The following POC1B variants were observed in gnomAD, a reference collection of about 807,000 sequenced individuals.
The protein encoded by POC1B is POC1 centriolar protein homolog B.
Under a neutral mutation model 60.6 loss-of-function variants are expected in POC1B, and 44 were observed. The observed-to-expected ratio is 0.73, with a 90% CI of 0.57 to 0.93. POC1B has a LOEUF of 0.93. Ranked by LOEUF, POC1B falls within the 40% of genes least tolerant of loss-of-function variation. The pLI is 0.00. For synonymous variants in POC1B, 180 were observed against 198.9 expected (o/e 0.90, Z 0.80); for missense variants, 555 against 572.3 (o/e 0.97, Z 0.31).
intron 3 of POC1B, among the ~76,000 whole-genome samples, chr12:89,493,374 A>C (rs1051667508): frequency 1.3e-5 from 2 of 152,236 alleles, no homozygotes; most frequent in Non-Finnish European, 2.9e-5. Context: ...ACATAAAAAG[A>C]ACTCAATACA....
At chr12:89,492,892 G>T (rs1442316337) in intron 3 of POC1B, among the ~76,000 whole-genome samples, 1 of 151,932 alleles carries the variant, frequency 6.6e-6, no homozygotes, top group Admixed American at 6.6e-5. Context: ...CTTCACCTAG[G>T]TTACTGCAAA....
At chr12:89,415,224 G>A (rs147214566), downstream of POC1B, among the ~76,000 whole-genome samples, 1 of 152,056 alleles carries the variant, frequency 6.6e-6, no homozygotes, top group Admixed American at 6.6e-5. Context: ...TGCAACATTC[G>A]CTTTGAATTA....
At chr12:89,417,525 G>T (rs917805185), downstream of POC1B, among the ~76,000 whole-genome samples, 3 of 152,156 alleles carry the variant, frequency 2.0e-5, no homozygotes, top group Non-Finnish European at 4.4e-5. Flanking sequence ...AATTTAATGT[G>T]CCTCTGCTTA....
At chr12:89,403,899 C>T in the POC1B span, among the ~76,000 whole-genome samples, 3 of 152,070 alleles carry the variant, frequency 2.0e-5, no homozygotes, top group Non-Finnish European at 4.4e-5. Flanking sequence ...TTGGGAGGCC[C>T]AGGCGGGAGG....
intron 2 of POC1B, among the ~76,000 whole-genome samples, chr12:89,513,468 T>G (rs1870285823): frequency 6.6e-6 from 1 of 152,200 alleles, no homozygotes; most frequent in Non-Finnish European, 1.5e-5. Flanking sequence ...AAGTAACAAC[T>G]TCAATGTTAA....
chr12:89,442,350 A>G (rs1881562095), intron 10 of POC1B, among the ~76,000 whole-genome samples: 1 of 152,242 alleles, frequency 6.6e-6, no homozygotes, highest in Non-Finnish European at 1.5e-5. Context: ...AAGGGCAGGC[A>G]GAGAGAAAGG....
chr12:89,451,428 AT>A (rs1209786433), intron 10 of POC1B, among the ~76,000 whole-genome samples: 4 of 152,236 alleles, frequency 2.6e-5, no homozygotes, highest in African/African-American at 9.6e-5. Flanking sequence ...ACTAAAAAAA[AT>A]CTTCCATTGC....
intron 10 of POC1B, chr12:89,428,215 A>T (rs953020253): frequency 1.3e-4 from 20 of 152,280 alleles, no homozygotes; most frequent in African/African-American, 4.8e-4. Flanking sequence ...CCAACAAACA[A>T]ACAAAAAACA....
chr12:89,438,046 G>A (rs1400935630), intron 10 of POC1B, among the ~76,000 whole-genome samples: 3 of 136,508 alleles, frequency 2.2e-5, no homozygotes, highest in South Asian at 2.4e-4. Flanking sequence ...GTGAGAAACC[G>A]TCTCAAAAAA....
At chr12:89,425,025 G>T (rs1880700843) in intron 11 of POC1B, 136 bp downstream of exon 11, 2 of 783,036 alleles carry the variant, frequency 2.6e-6, no homozygotes, top group Non-Finnish European at 4.1e-6. Context: ...CTTGTTTAGG[G>T]CATTGCCACC....
At chr12:89,485,600 T>G (rs560369272) in intron 4 of POC1B, among the ~76,000 whole-genome samples, 1 of 151,892 alleles carries the variant, frequency 6.6e-6, no homozygotes, top group Non-Finnish European at 1.5e-5. Context: ...ATAAAGACAG[T>G]CCATGAAGGC....
At chr12:89,511,057 C>T (rs1167382197) in intron 2 of POC1B, among the ~76,000 whole-genome samples, 1 of 151,996 alleles carries the variant, frequency 6.6e-6, no homozygotes, top group Non-Finnish European at 1.5e-5. Context: ...CCTGGCCAAA[C>T]AGTACATATT....
intron 9 of POC1B, among the ~76,000 whole-genome samples, chr12:89,463,603 A>G (rs1882562006): frequency 6.6e-6 from 1 of 152,210 alleles, no homozygotes; most frequent in Non-Finnish European, 1.5e-5. Flanking sequence ...CCCATCAAAA[A>G]AAAGAGAGAG....
At chr12:89,462,414 A>C (rs1332770559) in intron 9 of POC1B, among the ~76,000 whole-genome samples, 3 of 152,116 alleles carry the variant, frequency 2.0e-5, no homozygotes, top group Non-Finnish European at 4.4e-5. Context: ...GAATGAGGTA[A>C]AGGTTAGCCT....
intron 2 of POC1B, among the ~76,000 whole-genome samples, chr12:89,515,066 C>T (rs1870382878): frequency 6.6e-6 from 1 of 152,114 alleles, no homozygotes; most frequent in Non-Finnish European, 1.5e-5. Context: ...TGACACCTTT[C>T]AAGCAGCAAT....
chr12:89,467,021 T>C, intron 8 of POC1B, 99 bp from the exon 9 acceptor site: 5 of 887,762 alleles, frequency 5.6e-6, no homozygotes, highest in Non-Finnish European at 8.3e-6. Flanking sequence ...TCTCCCAAAG[T>C]AGGAAGGGTA....
the POC1B span, among the ~76,000 whole-genome samples, chr12:89,410,085 C>T: frequency 4.6e-5 from 7 of 152,312 alleles, 1 homozygote; most frequent in South Asian, 1.5e-3. Context: ...AATCCAGCAG[C>T]ACATCAAAAA....
At chr12:89,436,756 C>A (rs1163577917) in intron 10 of POC1B, among the ~76,000 whole-genome samples, 1 of 151,344 alleles carries the variant, frequency 6.6e-6, no homozygotes, top group Non-Finnish European at 1.5e-5. Flanking sequence ...ACAAAAAAAA[C>A]AAGCATTCTT....
chr12:89,517,763 A>G (rs1470380165), intron 2 of POC1B, among the ~76,000 whole-genome samples: 1 of 152,244 alleles, frequency 6.6e-6, no homozygotes, highest in Admixed American at 6.5e-5. Flanking sequence ...CCACTGGACC[A>G]TGAACTCTTC....
Sources: gnomAD v4.1 joint callset for allele counts (sites outside exome capture counted in the v4.1 genomes callset) on GRCh38, gnomAD v4.1.1 for gene constraint, MANE v1.5 for transcripts, NCBI Gene and HGNC (gene_info 2026-07-23, HGNC 2026-07-21) for gene names.